TTC39C: variants seen among roughly 807,000 people sequenced by gnomAD.
TTC39C encodes the protein tetratricopeptide repeat protein 39C.
In TTC39C, 33 loss-of-function variants were observed where a neutral mutation model predicts 76.3. That is an observed-to-expected ratio of 0.43 (90% CI 0.33 to 0.58). The LOEUF (loss-of-function observed/expected upper bound fraction) is 0.58, where lower values mean the gene tolerates loss of function less well. Ranked by LOEUF, TTC39C falls within the 20% of genes least tolerant of loss-of-function variation. The pLI, the probability that TTC39C is intolerant of heterozygous loss-of-function variation, is 0.04. For synonymous variants in TTC39C, 254 were observed against 260.6 expected (o/e 0.97, Z 0.24); for missense variants, 595 against 701.4 (o/e 0.85, Z 1.71).
intron 6 of TTC39C, among the ~76,000 whole-genome samples, chr18:24,084,507 A>T: frequency 6.6e-6 from 1 of 152,158 alleles, no homozygotes; most frequent in Non-Finnish European, 1.5e-5. Context: ...ATAAAATAAA[A>T]TTGAGATATA....
chr18:24,075,009 G>A (rs2084285680), intron 4 of TTC39C, among the ~76,000 whole-genome samples: 2 of 152,182 alleles, frequency 1.3e-5, no homozygotes, highest in Admixed American at 1.3e-4. Flanking sequence ...TAGGGACATG[G>A]ATGAAGCTGG....
intron 4 of TTC39C, among the ~76,000 whole-genome samples, chr18:24,075,684 C>CA (rs371486318): frequency 0.21 from 13,070 of 63,172 alleles, 1,334 homozygotes; most frequent in East Asian, 0.38. Context: ...GACCTTGTCT[C>CA]AAAAAAAAAA....
chr18:24,022,854 C>T (rs2083533775), intron 1 of TTC39C: 1 of 985,442 alleles, frequency 1.0e-6, no homozygotes, highest in African/African-American at 1.7e-5. Context: ...CCAGGTATAT[C>T]TTGCTCTTCC....
At chr18:24,009,958 C>T (rs140349781), upstream of TTC39C, among the ~76,000 whole-genome samples, 561 of 152,350 alleles carry the variant, frequency 3.7e-3, 3 homozygotes, top group African/African-American at 0.013. Context: ...GCAAAAACAG[C>T]CAGGTGAACC....
chr18:24,118,210 C>T lies in TTC39C; in HGVS notation c.1164C>T (p.Cys388=). 2 of 1,613,750 alleles carry T rather than the reference C, an allele frequency of 1.2e-6. No homozygotes were observed. The highest frequency in any genetic ancestry group is 1.7e-6 in the Non-Finnish European group (2 of 1,179,866). The part of the protein sequence containing the change: ...RLKNESRWSQ[C]YYAYLTAVCQ... ...AAAATGAGTCCAGGTGGTCCCAGTG[C>T]TATTATGCCTACTTGACTGCAGGTG... Residue 388 remains cysteine (C), a synonymous_variant, in exon 8 of 14, where the codon TGC becomes TGT. Coordinates refer to ENST00000317571, the MANE Select transcript of TTC39C (RefSeq NM_001135993.2).
At chr18:24,121,380 C>A (rs1302526755) in intron 8 of TTC39C, among the ~76,000 whole-genome samples, 1 of 152,104 alleles carries the variant, frequency 6.6e-6, no homozygotes, top group East Asian at 1.9e-4. Context: ...CGAGACCAGC[C>A]CGACCAACAA....
chr18:24,048,719 A>G (rs1021919425), intron 1 of TTC39C, among the ~76,000 whole-genome samples: 1 of 151,874 alleles, frequency 6.6e-6, no homozygotes, highest in Non-Finnish European at 1.5e-5. Context: ...TATAAGTGCT[A>G]TATTTACCTT....
chr18:24,068,214 C>T (rs896346451), intron 3 of TTC39C, among the ~76,000 whole-genome samples: 1 of 152,174 alleles, frequency 6.6e-6, no homozygotes, highest in African/African-American at 2.4e-5. Flanking sequence ...ATCTCATTAG[C>T]CCTCCCAACA....
chr18:24,032,201 C>CT (rs1194866249), intron 1 of TTC39C, among the ~76,000 whole-genome samples: 1 of 152,172 alleles, frequency 6.6e-6, no homozygotes, highest in African/African-American at 2.4e-5. Flanking sequence ...CACTTCTGGT[C>CT]TAAAGAACTG....
At chr18:24,069,326 A>G (rs1200128579) in intron 4 of TTC39C, 55 bp downstream of exon 4, 7 of 1,443,084 alleles carry the variant, frequency 4.9e-6, no homozygotes, top group Non-Finnish European at 6.8e-6. Flanking sequence ...CACAATTAGT[A>G]ATATGCTTTT....
At chr18:24,043,536 CTG>C (rs774490947) in intron 1 of TTC39C, among the ~76,000 whole-genome samples, 18 of 152,236 alleles carry the variant, frequency 1.2e-4, no homozygotes, top group Non-Finnish European at 2.5e-4. Context: ...GTTGGAGACA[CTG>C]AGGCCAGATG....
rs182727200 is a variant in TTC39C, at chr18:24,070,176, C to T, written c.460+905C>T. On this transcript the variant is annotated intron_variant, in intron 4 of 13. Coordinates refer to ENST00000317571, the MANE Select transcript of TTC39C (RefSeq NM_001135993.2). ...CGAACGATGCTTGGCTTCTGTTTGG[C>T]TGAAGTCAAAAGTGGAATATAACTT... Among the ~76,000 whole-genome samples, 276 of 152,228 alleles carry T rather than the reference C, an allele frequency of 1.8e-3. 1 individual carries two copies. Among genetic ancestry groups the T allele is most frequent in the Non-Finnish European group, 3.4e-3 (231 of 68,030 alleles).
At chr18:24,071,307 G>T (rs1288716427) in intron 4 of TTC39C, among the ~76,000 whole-genome samples, 1 of 152,198 alleles carries the variant, frequency 6.6e-6, no homozygotes. Context: ...AGCACATGCT[G>T]TGTGCTAAGC....
chr18:24,030,248 T>C (rs2083650549), intron 1 of TTC39C, among the ~76,000 whole-genome samples: 2 of 152,318 alleles, frequency 1.3e-5, no homozygotes, highest in South Asian at 4.1e-4. Flanking sequence ...TAGAGATGAA[T>C]TGCCTATTTA....
Position 24,061,238 on chromosome 18 carries a change from T to TAA in TTC39C, c.168-2902_168-2901insAA, listed in dbSNP as rs1477826913. On this transcript the variant is annotated intron_variant, in intron 1 of 13. Transcript: ENST00000317571. ...AATATTTAGTCTTCTTTTTTTTTTT[T>TAA]TAAAAAAATAGGTTTTTCACTATGG... Among the ~76,000 whole-genome samples the TAA allele has an allele frequency of 1.7e-3, 247 of 148,500 alleles. 2 individuals carry two copies. Among genetic ancestry groups the TAA allele is most frequent in the Middle Eastern group, 6.9e-3 (2 of 290 alleles).
intron 1 of TTC39C, among the ~76,000 whole-genome samples, chr18:24,002,086 T>G (rs943631221): frequency 6.6e-6 from 1 of 152,190 alleles, no homozygotes; most frequent in African/African-American, 2.4e-5. Context: ...TGCGCACATG[T>G]CTTTTTTTGG....
rs2085160668 is a variant in TTC39C, at chr18:24,133,459, T to C, written c.*885T>C. 6.6e-6 allele frequency: 1 copy of C among 152,238 alleles called. No homozygotes were observed. 9.4% of individuals were successfully genotyped at this position (152,238 alleles called of 1,614,324 possible). ...GTCTATAGATTAGACAAACAGTATC[T>C]ACATTTTAGGAGTTTACCTTTCTTT... On this transcript the variant is annotated 3_prime_UTR_variant, in exon 14 of 14. Coordinates refer to ENST00000317571, the MANE Select transcript of TTC39C (RefSeq NM_001135993.2).
chr18:24,101,473 C>A (rs1252658744), intron 6 of TTC39C, among the ~76,000 whole-genome samples: 1 of 151,838 alleles, frequency 6.6e-6, no homozygotes, highest in East Asian at 1.9e-4. Context: ...GCAGGAGAAT[C>A]GCTTGAACCC....
At chr18:24,098,537 C>T (rs1200061467) in intron 6 of TTC39C, among the ~76,000 whole-genome samples, 1 of 93,228 alleles carries the variant, frequency 1.1e-5, no homozygotes, top group East Asian at 3.5e-4. Context: ...CCTCCCCTCC[C>T]CTCCCCTCCC....
Sources: allele counts gnomAD v4.1 joint callset (sites outside exome capture counted in the v4.1 genomes callset), GRCh38; gene constraint gnomAD v4.1.1; transcripts MANE v1.5; gene names NCBI Gene and HGNC (gene_info 2026-07-23, HGNC 2026-07-21).